CTNNA2: variants seen among roughly 807,000 people sequenced by gnomAD.
The protein encoded by CTNNA2 is catenin alpha-2.
Under a neutral mutation model 101.0 loss-of-function variants are expected in CTNNA2, and 42 were observed. The observed-to-expected ratio is 0.42, with a 90% CI of 0.32 to 0.54. CTNNA2 has a LOEUF of 0.54. CTNNA2 is among the 20% of genes least tolerant of loss of function. The pLI is 0.14. For missense variants in CTNNA2, 871 were observed against 1,223.1 expected (o/e 0.71, Z 4.29); for synonymous variants, 450 against 456.4 (o/e 0.99, Z 0.18).
chr2:80,084,515 G>A (rs1377903594), intron 7 of CTNNA2, among the ~76,000 whole-genome samples: 2 of 151,978 alleles, frequency 1.3e-5, no homozygotes, highest in African/African-American at 4.8e-5. Flanking sequence ...TTCTAAGTCC[G>A]GGAACACACA....
chr2:79,683,172 T>G lies in CTNNA2; in HGVS notation c.102+31514T>G, dbSNP rs1683701751. Among the ~76,000 whole-genome samples, 3 of 152,216 alleles carry G rather than the reference T, an allele frequency of 2.0e-5. No homozygotes were observed. In the South Asian group the frequency reaches 6.2e-4, roughly 32 times the overall value. ...GTCTACCTCTCTGCCTGCTTAATACTGGGCCCATCCCCTACCCCTACATGC... is the reference window on the plus strand; with the variant it reads ...GTCTACCTCTCTGCCTGCTTAATACGGGGCCCATCCCCTACCCCTACATGC... On this transcript the variant is annotated intron_variant, in intron 2 of 18. Coordinates refer to ENST00000402739, the MANE Select transcript of CTNNA2 (RefSeq NM_001282597.3).
At chr2:79,561,025 A>G (rs11887966) in intron 1 of CTNNA2, among the ~76,000 whole-genome samples, 3,015 of 152,020 alleles carry the variant, frequency 0.02, 125 homozygotes, top group African/African-American at 0.07. Flanking sequence ...TATCACCACT[A>G]TCTAATTCCA....
At chr2:80,147,787 C>T (rs1703443556) in intron 7 of CTNNA2, among the ~76,000 whole-genome samples, 1 of 152,122 alleles carries the variant, frequency 6.6e-6, no homozygotes, top group Admixed American at 6.6e-5. Flanking sequence ...ACCCACCCAC[C>T]CAATCTTGTT....
chr2:80,332,039 A>C (rs1671380628), intron 7 of CTNNA2, among the ~76,000 whole-genome samples: 1 of 152,136 alleles, frequency 6.6e-6, no homozygotes, highest in Admixed American at 6.5e-5. Context: ...TCTTGGCAGA[A>C]CACATTTAAT....
chr2:79,854,077 G>C (rs904089331), intron 3 of CTNNA2, among the ~76,000 whole-genome samples: 1 of 152,018 alleles, frequency 6.6e-6, no homozygotes, highest in Non-Finnish European at 1.5e-5. Context: ...GTGCTTTCAG[G>C]GTAGCCTAGG....
At chr2:79,721,032 T>C (rs1573784778) in intron 2 of CTNNA2, among the ~76,000 whole-genome samples, 1 of 150,868 alleles carries the variant, frequency 6.6e-6, no homozygotes, top group East Asian at 1.9e-4. Flanking sequence ...TACTTTAAAT[T>C]ATCATTGGCC....
At chr2:80,121,844 G>A (rs1573144236) in intron 7 of CTNNA2, among the ~76,000 whole-genome samples, 5 of 152,228 alleles carry the variant, frequency 3.3e-5, no homozygotes, top group South Asian at 2.1e-4. Context: ...AAATAAAAAC[G>A]CTTGGCTGCT....
intron 7 of CTNNA2, among the ~76,000 whole-genome samples, chr2:80,326,789 T>G (rs1186003912): frequency 6.6e-6 from 1 of 152,148 alleles, no homozygotes; most frequent in African/African-American, 2.4e-5. Context: ...ATGGGTTTGA[T>G]TAGATTATCT....
At chr2:79,948,649 A>G (rs1419430884) in intron 7 of CTNNA2, among the ~76,000 whole-genome samples, 1 of 152,226 alleles carries the variant, frequency 6.6e-6, no homozygotes, top group Non-Finnish European at 1.5e-5. Context: ...ATTCCAGGAA[A>G]ATATTAATGA....
chr2:80,526,873 C>T (rs1690085170), intron 9 of CTNNA2, among the ~76,000 whole-genome samples: 1 of 152,190 alleles, frequency 6.6e-6, no homozygotes, highest in African/African-American at 2.4e-5. Context: ...TCCTTGAATG[C>T]AAACTTCTCT....
chr2:80,528,222 G>C (rs1372275126), intron 9 of CTNNA2, among the ~76,000 whole-genome samples: 3 of 152,138 alleles, frequency 2.0e-5, no homozygotes, highest in African/African-American at 7.2e-5. Context: ...TTGAGATGGA[G>C]TCTCGCTCAG....
At chr2:79,536,852 C>T (rs1015037117) in intron 1 of CTNNA2, among the ~76,000 whole-genome samples, 2 of 152,038 alleles carry the variant, frequency 1.3e-5, no homozygotes, top group African/African-American at 4.8e-5. Flanking sequence ...CAGGTGCATG[C>T]TGCCATGCCC....
At chr2:79,467,631 G>A (rs947467690) in intron 4 of CTNNA2, among the ~76,000 whole-genome samples, 1 of 152,176 alleles carries the variant, frequency 6.6e-6, no homozygotes, top group Admixed American at 6.5e-5. Context: ...CAGAGAGAAA[G>A]GTTGGGTTAC....
chr2:80,503,118 A>G (rs1688002618), intron 9 of CTNNA2, among the ~76,000 whole-genome samples: 1 of 152,190 alleles, frequency 6.6e-6, no homozygotes, highest in Non-Finnish European at 1.5e-5. Flanking sequence ...GGCTGCACTC[A>G]GCCATGATGG....
intron 2 of CTNNA2, among the ~76,000 whole-genome samples, chr2:79,709,660 C>T (rs1685619553): frequency 6.6e-6 from 1 of 151,966 alleles, no homozygotes; most frequent in Non-Finnish European, 1.5e-5. Flanking sequence ...CTGCAGTATG[C>T]CAGACCTCAG....
chr2:79,537,555 G>C (rs1673146945), intron 1 of CTNNA2, among the ~76,000 whole-genome samples: 1 of 152,158 alleles, frequency 6.6e-6, no homozygotes, highest in Non-Finnish European at 1.5e-5. Flanking sequence ...CTTCCTTGCA[G>C]AACGGTTAAG....
At chr2:79,734,519 A>G (rs574030764) in intron 2 of CTNNA2, among the ~76,000 whole-genome samples, 2 of 152,248 alleles carry the variant, frequency 1.3e-5, no homozygotes, top group African/African-American at 4.8e-5. Context: ...GTAAAAATGT[A>G]TACCTTAGAA....
intron 7 of CTNNA2, among the ~76,000 whole-genome samples, chr2:80,231,502 C>G (rs1709209700): frequency 6.6e-6 from 1 of 152,144 alleles, no homozygotes; most frequent in African/African-American, 2.4e-5. Flanking sequence ...GCTGGGTGGA[C>G]CCCTCTTCAG....
chr2:79,620,042 A>T (rs1678895968), intron 1 of CTNNA2, among the ~76,000 whole-genome samples: 1 of 152,218 alleles, frequency 6.6e-6, no homozygotes, highest in Admixed American at 6.5e-5. Flanking sequence ...AATGAGTGCG[A>T]TAGATTCTAA....
Sources: gnomAD v4.1 joint callset for allele counts (sites outside exome capture counted in the v4.1 genomes callset) on GRCh38, gnomAD v4.1.1 for gene constraint, MANE v1.5 for transcripts, NCBI Gene and HGNC (gene_info 2026-07-23, HGNC 2026-07-21) for gene names.